Variants in PLCL1 observed in about 807,000 individuals in gnomAD.
PLCL1 encodes the protein inactive phospholipase C-like protein 1.
Under a neutral mutation model 84.4 loss-of-function variants are expected in PLCL1, and 41 were observed. The observed-to-expected ratio is 0.49, with a 90% CI of 0.38 to 0.63. The LOEUF is 0.63. Ranked by LOEUF, PLCL1 falls within the 30% of genes least tolerant of loss-of-function variation. The pLI, the probability that PLCL1 is intolerant of heterozygous loss-of-function variation, is 0.00. For missense variants in PLCL1, 1,206 were observed against 1,367.8 expected, an observed-to-expected ratio of 0.88 and a Z score of 1.87; for synonymous variants, 490 against 488.3, an observed-to-expected ratio of 1.00 and a Z score of -0.05.
At chr2:197,915,593 C>T (rs1469425737) in intron 1 of PLCL1, among the ~76,000 whole-genome samples, 2 of 151,414 alleles carry the variant, frequency 1.3e-5, no homozygotes, top group Non-Finnish European at 2.9e-5. Flanking sequence ...GGGAGTTAAG[C>T]AGAAGAAGGT....
intron 1 of PLCL1, among the ~76,000 whole-genome samples, chr2:197,880,028 A>C (rs1687802233): frequency 6.6e-6 from 1 of 152,198 alleles, no homozygotes; most frequent in African/African-American, 2.4e-5. Context: ...CTAGCAATGA[A>C]TTAGAATGCA....
chr2:198,080,686 G>A (rs1692690000), intron 1 of PLCL1, among the ~76,000 whole-genome samples: 1 of 152,224 alleles, frequency 6.6e-6, no homozygotes, highest in Non-Finnish European at 1.5e-5. Flanking sequence ...AATCTTGGCT[G>A]TAGTCATCAG....
intron 1 of PLCL1, among the ~76,000 whole-genome samples, chr2:197,986,490 A>G (rs1207002722): frequency 6.6e-6 from 1 of 152,160 alleles, no homozygotes; most frequent in Non-Finnish European, 1.5e-5. Context: ...AGCTAGGACT[A>G]TAGTCATGCA....
chr2:198,146,721 C>T, intron 5 of PLCL1, 59 bp from the exon 6 acceptor site: 42 of 1,422,676 alleles, frequency 3.0e-5, no homozygotes, highest in Non-Finnish European at 4.1e-5. Flanking sequence ...AGTGATGTCA[C>T]TCAGCACATG....
chr2:197,963,131 AG>A (rs1049351116), intron 1 of PLCL1, among the ~76,000 whole-genome samples: 8 of 152,122 alleles, frequency 5.3e-5, no homozygotes, highest in African/African-American at 1.7e-4. Flanking sequence ...CTCTATTTTT[AG>A]TTTTTTGAGG....
intron 5 of PLCL1, among the ~76,000 whole-genome samples, chr2:198,117,938 T>C (rs997548168): frequency 5.3e-5 from 8 of 151,886 alleles, no homozygotes; most frequent in Non-Finnish European, 1.0e-4. Context: ...AAGAATACCA[T>C]CAAAAGGAAC....
At chr2:198,065,052 G>T (rs1036658056) in intron 1 of PLCL1, among the ~76,000 whole-genome samples, 5 of 152,146 alleles carry the variant, frequency 3.3e-5, no homozygotes, top group Non-Finnish European at 2.9e-5. Flanking sequence ...ACATTCTGTA[G>T]ACTGCATTGT....
intron 1 of PLCL1, among the ~76,000 whole-genome samples, chr2:198,018,220 C>T (rs944826793): frequency 2.6e-5 from 4 of 152,152 alleles, no homozygotes; most frequent in Non-Finnish European, 5.9e-5. Flanking sequence ...GCTTTTCCCA[C>T]AGTCTTCGCA....
intron 1 of PLCL1, among the ~76,000 whole-genome samples, chr2:198,056,814 G>A (rs1445332922): frequency 6.6e-6 from 1 of 151,998 alleles, no homozygotes; most frequent in South Asian, 2.1e-4. Context: ...ACCTGTTGAA[G>A]TGTTGGGTGT....
intron 1 of PLCL1, among the ~76,000 whole-genome samples, chr2:198,034,730 A>C (rs1691514605): frequency 6.6e-6 from 1 of 152,224 alleles, no homozygotes; most frequent in African/African-American, 2.4e-5. Context: ...CATCAATGTC[A>C]TCTCTAACAA....
At chr2:197,964,305 A>G (rs186290686) in intron 1 of PLCL1, among the ~76,000 whole-genome samples, 170 of 152,016 alleles carry the variant, frequency 1.1e-3, no homozygotes, top group African/African-American at 4.0e-3. Flanking sequence ...CATTGTAGAG[A>G]TCTTTCAGTT....
At chr2:197,842,828 T>C (rs1159059389) in intron 1 of PLCL1, among the ~76,000 whole-genome samples, 1 of 152,170 alleles carries the variant, frequency 6.6e-6, no homozygotes, top group Non-Finnish European at 1.5e-5. Flanking sequence ...TTTCTCTCCC[T>C]TGATGGAGAA....
chr2:197,882,974 C>A lies in PLCL1; in HGVS notation c.240+77635C>A, dbSNP rs114431828. Among the ~76,000 whole-genome samples, 196 of 152,234 alleles carry A rather than the reference C, an allele frequency of 1.3e-3. 1 individual carries two copies. Among genetic ancestry groups the A allele is most frequent in the Non-Finnish European group, 2.3e-3 (155 of 68,010 alleles). Reference sequence around the variant, plus strand: ...ATTATATGTTGCACTATTCCATTTACATCAGGTTCAAAAACAGGTGAAATC... The same window carrying A: ...ATTATATGTTGCACTATTCCATTTAAATCAGGTTCAAAAACAGGTGAAATC... On this transcript the variant is annotated intron_variant, in intron 1 of 5. Coordinates refer to ENST00000428675, the MANE Select transcript of PLCL1 (RefSeq NM_006226.4).
chr2:197,844,520 A>G (rs1406302443), intron 1 of PLCL1, among the ~76,000 whole-genome samples: 1 of 152,126 alleles, frequency 6.6e-6, no homozygotes, highest in Non-Finnish European at 1.5e-5. Flanking sequence ...ATTCTTTTAC[A>G]CTTACTGTCA....
intron 1 of PLCL1, among the ~76,000 whole-genome samples, chr2:197,840,691 G>A (rs1259452779): frequency 1.3e-5 from 2 of 152,304 alleles, no homozygotes; most frequent in East Asian, 3.9e-4. Flanking sequence ...GTAAGGAAGG[G>A]CAGGGCAGAT....
intron 1 of PLCL1, among the ~76,000 whole-genome samples, chr2:197,887,581 A>G (rs1224968255): frequency 1.3e-5 from 2 of 152,110 alleles, no homozygotes; most frequent in Admixed American, 6.5e-5. Flanking sequence ...AAAAATTTTG[A>G]TCTTATTTTA....
At chr2:198,136,411 G>C (rs1327373673) in intron 5 of PLCL1, among the ~76,000 whole-genome samples, 1 of 152,078 alleles carries the variant, frequency 6.6e-6, no homozygotes, top group Non-Finnish European at 1.5e-5. Context: ...GCCAGGATTT[G>C]AGCCCAGGTA....
rs1400033831 is a variant in PLCL1 at position 197,843,895 on chromosome 2, A to C, written c.240+38556A>C. Among the ~76,000 whole-genome samples the C allele has an allele frequency of 2.0e-5, 3 of 152,164 alleles. No homozygotes were observed. In the East Asian group the frequency reaches 5.8e-4, roughly 29 times the overall value. On this transcript the variant is annotated intron_variant, in intron 1 of 5. Coordinates refer to ENST00000428675, the MANE Select transcript of PLCL1 (RefSeq NM_006226.4). ...AACATTAATCATGGATTTCTGAATC[A>C]GGTTTTTCATCTTTTTACCAGGCAG...
intron 5 of PLCL1, among the ~76,000 whole-genome samples, chr2:198,106,824 T>A (rs1193588814): frequency 2.0e-5 from 3 of 151,884 alleles, no homozygotes; most frequent in Non-Finnish European, 4.4e-5. Context: ...GATAGGACTC[T>A]CTCCATCTCA....
Sources: gnomAD v4.1 joint callset for allele counts (sites outside exome capture counted in the v4.1 genomes callset) on GRCh38, gnomAD v4.1.1 for gene constraint, MANE v1.5 for transcripts, NCBI Gene and HGNC (gene_info 2026-07-23, HGNC 2026-07-21) for gene names.